Variants in TULP4 observed in about 807,000 individuals in gnomAD.
TULP4 encodes tubby-related protein 4.
In TULP4, 16 loss-of-function variants were observed where a neutral mutation model predicts 129.0. The ratio of observed to expected loss-of-function variants is 0.12; its 90% confidence interval spans 0.08 to 0.19. The LOEUF (loss-of-function observed/expected upper bound fraction) is 0.19. Among genes scored for constraint, TULP4 ranks in the 10% least tolerant of loss-of-function variants. The pLI is 1.00. For synonymous variants in TULP4, 998 were observed against 854.0 expected (o/e 1.17, Z -2.94); for missense variants, 1,842 against 2,059.1 (o/e 0.89, Z 2.04).
In TULP4 at chr6:158,493,852, C is replaced by T. The variant is rs1470925233; in HGVS notation, c.1776+135C>T. ...GCTCTGCTCCACATCCTGCACACCACCTACTACCTCAGGAGTAGCCCTCAG... is the reference window on the plus strand; with the variant it reads ...GCTCTGCTCCACATCCTGCACACCATCTACTACCTCAGGAGTAGCCCTCAG... On this transcript the variant is annotated intron_variant, in intron 10 of 13. Transcript: ENST00000367097. This position sits in a 1 kb window ranked among gnomAD's most constrained non-coding sequence, Gnocchi z 4.4. 1 of 989,800 alleles carries T rather than the reference C, an allele frequency of 1.0e-6. No individual in the cohort carries two copies. Among genetic ancestry groups the T allele is most frequent in the East Asian group, 3.1e-5 (1 of 32,166 alleles). The allele number at this position is 989,800 out of a possible 1,614,324, so 61.3% of individuals were successfully genotyped here.
chr6:158,451,730 C>T (rs1187231880), intron 4 of TULP4, among the ~76,000 whole-genome samples: 1 of 152,224 alleles, frequency 6.6e-6, no homozygotes. Context: ...CAACTTTTTT[C>T]TCTCTTAGAC....
At position 158,263,608 on chromosome 6, in the gene TULP4, T is replaced by C. The variant is rs192631129; in HGVS notation, n.68+31305T>C. Among the ~76,000 whole-genome samples the C allele has an allele frequency of 3.5e-4, 53 of 152,204 alleles. 1 individual carries two copies. The highest frequency in any genetic ancestry group is 1.7e-3 in the East Asian group (9 of 5,180). On this transcript the variant is annotated intron_variant and non_coding_transcript_variant, in intron 1 of 1. Coordinates refer to the TULP4 transcript ENST00000620026. ...AAGCTATCAAAAAGAAAAAACTAAT[T>C]AGCTGGGCGTGATGGGATGTGCCTG... is the stretch of plus-strand genomic sequence containing the variant.
At chr6:158,272,539 A>G (rs1156382195) in intron 1 of TULP4, among the ~76,000 whole-genome samples, 3 of 152,208 alleles carry the variant, frequency 2.0e-5, no homozygotes, top group Admixed American at 6.5e-5. Flanking sequence ...GGAGGAAACT[A>G]TCAGGAAGTT....
At chr6:158,436,703 T>C (rs1200282929) in intron 3 of TULP4, among the ~76,000 whole-genome samples, 1 of 152,216 alleles carries the variant, frequency 6.6e-6, no homozygotes, top group East Asian at 1.9e-4. Flanking sequence ...ATCTGGTATT[T>C]TCTTAGACGC....
intron 1 of TULP4, among the ~76,000 whole-genome samples, chr6:158,260,062 A>G (rs1323968763): frequency 6.6e-6 from 1 of 152,158 alleles, no homozygotes; most frequent in East Asian, 1.9e-4. Flanking sequence ...TCTTCTTCCC[A>G]GAGGTCAGGG....
chr6:158,325,642 C>T (rs1312854292), intron 1 of TULP4, among the ~76,000 whole-genome samples: 4 of 152,118 alleles, frequency 2.6e-5, no homozygotes, highest in Non-Finnish European at 5.9e-5. Flanking sequence ...TGAGCCACCG[C>T]GCCCAGCCGA....
In TULP4 at chr6:158,501,770, C is replaced by T. The variant is rs1485774350; in HGVS notation, c.2107C>T (p.Pro703Ser). 6.2e-7 allele frequency: 1 copy of T among 1,614,036 alleles called. No individual in the cohort carries two copies. Among genetic ancestry groups the T allele is most frequent in the Non-Finnish European group, 8.5e-7 (1 of 1,180,030 alleles). Reference sequence around the variant, plus strand: ...CCACAGCTCGGCTCAGGCTATGTCCCCCACGCAGAGCATAGGGCTGGTGCA... The same window carrying T: ...CCACAGCTCGGCTCAGGCTATGTCCTCCACGCAGAGCATAGGGCTGGTGCA... Reference protein sequence around the residue: ...PIHSSAQAMSPTQSIGLVQSL... With the variant: ...PIHSSAQAMSSTQSIGLVQSL... Residue 703 changes from proline (P) to serine (S), a missense_variant, in exon 13 of 14, where the codon CCC (proline) becomes TCC (serine). Pro to Ser is a moderately conservative substitution (Grantham distance 74). Around this residue, in one of 5 missense-constraint regions of TULP4, gnomAD observed 99 missense variants for 165.1 expected, o/e 0.60. Coordinates refer to ENST00000367097, the MANE Select transcript of TULP4 (RefSeq NM_020245.5).
chr6:158,331,427 C>A (rs1226648578), intron 1 of TULP4, among the ~76,000 whole-genome samples: 1 of 151,982 alleles, frequency 6.6e-6, no homozygotes. Flanking sequence ...CCAGATTTGG[C>A]CAGCAGGAGC....
chr6:158,415,743 T>C (rs1778195570), intron 2 of TULP4, among the ~76,000 whole-genome samples: 1 of 151,836 alleles, frequency 6.6e-6, no homozygotes, highest in Non-Finnish European at 1.5e-5. Flanking sequence ...GGCATTGTTA[T>C]CATAGGAGAT....
chr6:158,241,142 G>A lies in TULP4; in HGVS notation n.68+8839G>A, dbSNP rs1185951159. On this transcript the variant is annotated intron_variant and non_coding_transcript_variant, in intron 1 of 1. Coordinates refer to the TULP4 transcript ENST00000620026. ...GGGCAGAGGCGCTCCCCACATCTCA[G>A]ACGATGGGCGGCCGGGCAGAGACGC... Among the ~76,000 whole-genome samples the A allele has an allele frequency of 1.8e-4, 24 of 133,020 alleles. 1 individual carries two copies. Among genetic ancestry groups the A allele is most frequent in the Non-Finnish European group, 3.3e-5 (2 of 60,442 alleles). 87.3% of individuals were successfully genotyped at this position (133,020 alleles called of 152,430 possible).
At chr6:158,327,558 A>G (rs1205872096) in intron 1 of TULP4, among the ~76,000 whole-genome samples, 1 of 152,194 alleles carries the variant, frequency 6.6e-6, no homozygotes, top group African/African-American at 2.4e-5. Flanking sequence ...TTTCAGAGCC[A>G]TGATGGTTTT....
intron 1 of TULP4, among the ~76,000 whole-genome samples, chr6:158,306,073 T>C (rs932140393): frequency 1.3e-5 from 2 of 152,214 alleles, no homozygotes; most frequent in East Asian, 3.8e-4. Context: ...TTGTATCCAT[T>C]ATGCATTTTG....
chr6:158,287,449 T>C (rs1731494421), intron 1 of TULP4, among the ~76,000 whole-genome samples: 1 of 152,262 alleles, frequency 6.6e-6, no homozygotes, highest in Non-Finnish European at 1.5e-5. Context: ...ATGCATTTAT[T>C]GAATACGTAA....
intron 1 of TULP4, among the ~76,000 whole-genome samples, chr6:158,270,455 T>C (rs1778527151): frequency 6.6e-6 from 1 of 152,216 alleles, no homozygotes; most frequent in Non-Finnish European, 1.5e-5. Context: ...TGTAGGGTGC[T>C]TCTCGGGGCT....
chr6:158,285,781 C>CT (rs897372951), intron 1 of TULP4, among the ~76,000 whole-genome samples: 3 of 152,186 alleles, frequency 2.0e-5, no homozygotes, highest in African/African-American at 7.2e-5. Context: ...CTCTCTGTGT[C>CT]TTCCCTGTCC....
In TULP4 at chr6:158,294,554, G is replaced by A. The variant is rs370813824; in HGVS notation, n.116+12176G>A. On this transcript the variant is annotated intron_variant and non_coding_transcript_variant, in intron 1 of 1. Coordinates refer to the TULP4 transcript ENST00000432358. ...TCCTAGGTAGTAGAGCTGTGAGGAC[G>A]TCCTGTGTCCACATCCTCCATGGGT... 1.7e-4 allele frequency among the ~76,000 whole-genome samples: 26 copies of A among 152,198 alleles called. No homozygotes were observed. In the East Asian group the frequency reaches 4.3e-3, roughly 25 times the overall value.
intron 1 of TULP4, among the ~76,000 whole-genome samples, chr6:158,273,076 G>C (rs1778579184): frequency 6.6e-6 from 1 of 152,226 alleles, no homozygotes. Flanking sequence ...TTGAGTCCAA[G>C]GACAGAGTTT....
At chr6:158,477,353 T>C (rs1461281352) in intron 6 of TULP4, among the ~76,000 whole-genome samples, 1 of 152,098 alleles carries the variant, frequency 6.6e-6, no homozygotes, top group South Asian at 2.1e-4. Context: ...TAAAGAGGAA[T>C]GGGAAATTAG....
At chr6:158,347,523 A>G (rs1780340447) in intron 1 of TULP4, among the ~76,000 whole-genome samples, 1 of 152,230 alleles carries the variant, frequency 6.6e-6, no homozygotes, top group South Asian at 2.1e-4. Flanking sequence ...AGACCAATCT[A>G]CCCTCTGACT....
Sources: gnomAD v4.1 joint callset for allele counts (sites outside exome capture counted in the v4.1 genomes callset) on GRCh38, gnomAD v4.1.1 for gene constraint, gnomAD v4.1.1 regional missense constraint, Gnocchi (gnomAD v3.1) non-coding constraint, MANE v1.5 for transcripts, NCBI Gene and HGNC (gene_info 2026-07-23, HGNC 2026-07-21) for gene names.